Variants in ZNF831 observed in about 807,000 individuals in gnomAD.
ZNF831 encodes the protein chromosome 20 open reading frame 174.
In ZNF831, 59 loss-of-function variants were observed where a neutral mutation model predicts 95.8. The observed-to-expected ratio is 0.62, with a 90% CI of 0.50 to 0.77. The LOEUF (loss-of-function observed/expected upper bound fraction) is 0.77. Ranked by LOEUF, ZNF831 falls within the 30% of genes least tolerant of loss-of-function variation. The probability of loss-of-function intolerance (pLI) is 0.00; values close to 1 mark genes in which losing one functional copy is unlikely to be tolerated. For synonymous variants in ZNF831, 961 were observed against 925.5 expected (o/e 1.04, Z -0.70); for missense variants, 2,205 against 2,164.0 (o/e 1.02, Z -0.38).
intron 1 of ZNF831, among the ~76,000 whole-genome samples, chr20:59,171,207 G>C (rs1318504927): frequency 6.6e-6 from 1 of 152,178 alleles, no homozygotes; most frequent in African/African-American, 2.4e-5. Context: ...CCTCTCGTGG[G>C]CCCCTCCTGG....
chr20:59,236,946 C>T (rs1239359513), intron 4 of ZNF831, among the ~76,000 whole-genome samples: 1 of 152,028 alleles, frequency 6.6e-6, no homozygotes, highest in Non-Finnish European at 1.5e-5. Context: ...AGAAAATGTT[C>T]CCGAACCTGC....
At chr20:59,149,418 G>A (rs1980090350) in intron 2 of ZNF831, among the ~76,000 whole-genome samples, 1 of 152,258 alleles carries the variant, frequency 6.6e-6, no homozygotes, top group African/African-American at 2.4e-5. Flanking sequence ...ATGGCCCCAT[G>A]TGGTTGGCGC....
At chr20:59,136,204 G>A (rs1004645353) in intron 1 of ZNF831, among the ~76,000 whole-genome samples, 6 of 152,040 alleles carry the variant, frequency 3.9e-5, no homozygotes, top group Non-Finnish European at 7.4e-5. Context: ...CTCATGCTTC[G>A]AGTCTCTCTT....
intron 3 of ZNF831, among the ~76,000 whole-genome samples, chr20:59,197,393 G>C (rs984516764): frequency 3.3e-5 from 5 of 152,276 alleles, no homozygotes; most frequent in African/African-American, 1.2e-4. Flanking sequence ...TGGAGACACA[G>C]AGAGCTTAGA....
In ZNF831 at chr20:59,254,035, C is replaced by A. The variant is rs2146762989; in HGVS notation, c.4326C>A (p.Asp1442Glu). The A allele has an allele frequency of 1.2e-6, 2 of 1,614,120 alleles. No individual in the cohort carries two copies. The highest frequency in any genetic ancestry group is 1.7e-6 in the Non-Finnish European group (2 of 1,180,018). ...CTCTACCCCCTGGCAAAGGTCTTGACCTTGGGTTGCTGGAGACTCAGCTGC... is the reference window on the plus strand; with the variant it reads ...CTCTACCCCCTGGCAAAGGTCTTGAACTTGGGTTGCTGGAGACTCAGCTGC... Reference protein sequence around the residue: ...DVPLPPGKGLDLGLLETQLLA... With the variant: ...DVPLPPGKGLELGLLETQLLA... Residue 1442 changes from aspartate to glutamate, a missense_variant, in exon 6 of 6, where the codon GAC becomes GAA. Asp to Glu is a conservative substitution (Grantham distance 45). Transcript: ENST00000371030. This position sits in a 1 kb window ranked among gnomAD's most constrained non-coding sequence, Gnocchi z 4.5.
intron 1 of ZNF831, among the ~76,000 whole-genome samples, 99 bp downstream of exon 1, chr20:59,164,306 G>A (rs977392171): frequency 1.3e-5 from 2 of 152,114 alleles, no homozygotes; most frequent in South Asian, 2.1e-4. Context: ...CTTCAAGCAC[G>A]CAGTTAAAGG....
chr20:59,221,312 C>G (rs1312290092), intron 4 of ZNF831, among the ~76,000 whole-genome samples: 1 of 152,192 alleles, frequency 6.6e-6, no homozygotes, highest in Non-Finnish European at 1.5e-5. Flanking sequence ...GCCTATGGTG[C>G]TCTTCCTGCC....
intron 1 of ZNF831, among the ~76,000 whole-genome samples, chr20:59,181,160 G>A (rs1332070079): frequency 2.6e-5 from 4 of 152,118 alleles, no homozygotes; most frequent in Non-Finnish European, 4.4e-5. Flanking sequence ...TTTGTTGGCC[G>A]CATAAATTGT....
At chr20:59,148,679 CAA>C (rs35635821) in intron 2 of ZNF831, among the ~76,000 whole-genome samples, 6 of 16,208 alleles carry the variant, frequency 3.7e-4, no homozygotes, top group Non-Finnish European at 5.1e-4. Flanking sequence ...AACTCCGTCT[CAA>C]AAAAAAAAAA....
Position 59,254,793 on chromosome 20 carries a change from C to T in ZNF831, c.*50C>T. 1.3e-6 allele frequency: 2 copies of T among 1,549,580 alleles called. No homozygotes were observed. The highest frequency in any genetic ancestry group is 2.1e-5 in the Admixed American group (1 of 47,600). On this transcript the variant is annotated 3_prime_UTR_variant, in exon 6 of 6. Coordinates refer to ENST00000371030, the MANE Select transcript of ZNF831 (RefSeq NM_178457.3). This position sits in a 1 kb window ranked among gnomAD's most constrained non-coding sequence, Gnocchi z 4.5. ...GGTCAAAAAGACTGTTGACGCTTCA[C>T]AAGTAAATGTTGTCAGGCTGGCGGA... is the stretch of plus-strand genomic sequence containing the variant.
At chr20:59,129,039 T>C (rs181265044) in intron 1 of ZNF831, among the ~76,000 whole-genome samples, 1 of 152,258 alleles carries the variant, frequency 6.6e-6, no homozygotes, top group Admixed American at 6.5e-5. Flanking sequence ...GCTGGGATTA[T>C]AGGCATGAGC....
chr20:59,191,832 C>T lies in ZNF831; in HGVS notation c.813C>T (p.Ser271=), dbSNP rs369672507. 8.4e-5 allele frequency: 135 copies of T among 1,613,336 alleles called. No individual in the cohort carries two copies. The highest frequency in any genetic ancestry group is 3.3e-4 in the Middle Eastern group (2 of 6,084). Residue 271 remains serine (S), a synonymous_variant, in exon 2 of 6, where the codon TCC becomes TCT. Coordinates refer to ENST00000371030, the MANE Select transcript of ZNF831 (RefSeq NM_178457.3). The stretch of plus-strand genomic sequence containing the variant: ...CCGAAGCTGCTCCCTGTCCAGGGTC[C>T]GCATTTGCCGACAGAGAGGCTCCTT... ...VRTEAAPCPG[S]AFADREAPWD... is the part of the protein sequence containing the mutation.
intron 2 of ZNF831, among the ~76,000 whole-genome samples, chr20:59,158,409 C>T (rs965540103): frequency 6.6e-6 from 1 of 152,198 alleles, no homozygotes; most frequent in Non-Finnish European, 1.5e-5. Flanking sequence ...GGGGACGAGG[C>T]AACAGGTCAG....
rs1308472101 is a variant in ZNF831, at chr20:59,233,043, C to CAGAG, written c.4028-19934_4028-19933insGAGA. Among the ~76,000 whole-genome samples, 49 of 134,374 alleles carry CAGAG rather than the reference C, an allele frequency of 3.6e-4. 2 individuals carry two copies. The highest frequency in any genetic ancestry group is 1.3e-3 in the African/African-American group (44 of 33,912). The allele number at this position is 134,374 out of a possible 152,430, so 88.2% of individuals were successfully genotyped here. The stretch of plus-strand genomic sequence containing the variant: ...ACACACACACACACACACACACACA[C>CAGAG]ATAGAGAGAGAGAGACAGACAGAGA... On this transcript the variant is annotated intron_variant, in intron 4 of 5. Coordinates refer to ENST00000371030, the MANE Select transcript of ZNF831 (RefSeq NM_178457.3).
chr20:59,162,784 T>G (rs1032786004), upstream of ZNF831, among the ~76,000 whole-genome samples: 23 of 152,322 alleles, frequency 1.5e-4, no homozygotes, highest in African/African-American at 5.3e-4. Context: ...GGGCTCCTTT[T>G]TGGTTCCATA....
At chr20:59,152,615 G>A (rs910072595) in intron 2 of ZNF831, among the ~76,000 whole-genome samples, 1 of 152,172 alleles carries the variant, frequency 6.6e-6, no homozygotes, top group African/African-American at 2.4e-5. Context: ...TTTTTTAATT[G>A]CAGCTGTGAT....
chr20:59,191,671 G>T lies in ZNF831; in HGVS notation c.652G>T (p.Asp218Tyr), dbSNP rs1213265296. Residue 218 changes from aspartate to tyrosine, a missense_variant, in exon 2 of 6, where the codon GAC becomes TAC. Transcript: ENST00000371030. ...GAGGGLLEEG[D>Y]KAGEPPRPEG... ...CGGGGGCGGCCTCCTGGAGGAAGGGGACAAGGCCGGAGAGCCCCCCAGACC... is the reference window on the plus strand; with the variant it reads ...CGGGGGCGGCCTCCTGGAGGAAGGGTACAAGGCCGGAGAGCCCCCCAGACC... The T allele has an allele frequency of 1.3e-6, 2 of 1,558,976 alleles. No individual in the cohort carries two copies.
In ZNF831 at chr20:59,217,162, C is replaced by CTCTGTGTGTGTGTGTG. The variant is rs375503499; in HGVS notation, c.4027+10107_4027+10108insCTGTGTGTGTGTGTGT. ...GAGTACATCTGACAGATCTTCATCT[C>CTCTGTGTGTGTGTGTG]TGTGTGTGTGTGTGTGTGTGTGTGT... On this transcript the variant is annotated intron_variant, in intron 4 of 5. Coordinates refer to ENST00000371030, the MANE Select transcript of ZNF831 (RefSeq NM_178457.3). This position sits in a 1 kb window ranked among gnomAD's most constrained non-coding sequence, Gnocchi z 4.4. Among the ~76,000 whole-genome samples, 1 of 148,618 alleles carries CTCTGTGTGTGTGTGTG rather than the reference C, an allele frequency of 6.7e-6. No individual in the cohort carries two copies. Among genetic ancestry groups the CTCTGTGTGTGTGTGTG allele is most frequent in the African/African-American group, 2.5e-5 (1 of 40,146 alleles).
chr20:59,124,314 T>C (rs1012222150), intron 1 of ZNF831, among the ~76,000 whole-genome samples: 17 of 152,162 alleles, frequency 1.1e-4, no homozygotes, highest in African/African-American at 4.1e-4. Context: ...CATATTACCA[T>C]AGGCTGGCTG....
Sources: allele counts gnomAD v4.1 joint callset (sites outside exome capture counted in the v4.1 genomes callset), GRCh38; gene constraint gnomAD v4.1.1; non-coding constraint Gnocchi (gnomAD v3.1); transcripts MANE v1.5; gene names NCBI Gene and HGNC (gene_info 2026-07-23, HGNC 2026-07-21).